NBAS: variants seen among roughly 807,000 people sequenced by gnomAD.
NBAS encodes NAG/BC035112 fusion.
A neutral mutation model predicts 302.5 loss-of-function variants in NBAS; 219 were observed. That is an observed-to-expected ratio of 0.72 (90% CI 0.65 to 0.81). The LOEUF is 0.81. Ranked by LOEUF, NBAS falls within the 30% of genes least tolerant of loss-of-function variation. The pLI, the probability that NBAS is intolerant of heterozygous loss-of-function variation, is 0.00. For synonymous variants in NBAS, 1,118 were observed against 1,021.6 expected (o/e 1.09, Z -1.80); for missense variants, 2,932 against 2,841.6 (o/e 1.03, Z -0.72).
intron 32 of NBAS, 121 bp downstream of exon 32, chr2:15,366,459 C>G: frequency 1.1e-6 from 1 of 932,200 alleles, no homozygotes; most frequent in Non-Finnish European, 1.7e-6. Flanking sequence ...CAGAGCGAGA[C>G]CCTGTCTAAT....
chr2:14,959,694 C>T, the NBAS span, among the ~76,000 whole-genome samples: 6 of 152,188 alleles, frequency 3.9e-5, no homozygotes, highest in Non-Finnish European at 8.8e-5. Flanking sequence ...GATTCCAGGA[C>T]TTTGTACATG....
chr2:15,439,978 T>C (rs1039865224), intron 21 of NBAS, among the ~76,000 whole-genome samples: 1 of 152,250 alleles, frequency 6.6e-6, no homozygotes, highest in Non-Finnish European at 1.5e-5. Flanking sequence ...TTGCCCAGAC[T>C]TGCTTAGGTA....
chr2:15,397,576 C>A, intron 26 of NBAS: 1 of 619,998 alleles, frequency 1.6e-6, no homozygotes, highest in Non-Finnish European at 3.0e-6. Context: ...AACGTAGCTT[C>A]ACATACAGCT....
chr2:15,234,493 C>CA, intron 46 of NBAS, 52 bp downstream of exon 46: 2 of 1,563,238 alleles, frequency 1.3e-6, no homozygotes, highest in Non-Finnish European at 1.8e-6. Flanking sequence ...TTAGCACCAT[C>CA]ACTGACAAAG....
intron 9 of NBAS, among the ~76,000 whole-genome samples, chr2:15,524,869 AG>A (rs1224460625): frequency 6.6e-6 from 1 of 152,048 alleles, no homozygotes; most frequent in Non-Finnish European, 1.5e-5. Flanking sequence ...GGCCTGGCAC[AG>A]AATGTCAACA....
chr2:14,858,157 T>C, the NBAS span, among the ~76,000 whole-genome samples: 1 of 151,964 alleles, frequency 6.6e-6, no homozygotes, highest in Non-Finnish European at 1.5e-5. Context: ...TATCCAAAAG[T>C]CAGGCAATAA....
At chr2:15,498,457 A>G (rs1337641470) in intron 11 of NBAS, among the ~76,000 whole-genome samples, 2 of 152,186 alleles carry the variant, frequency 1.3e-5, no homozygotes, top group African/African-American at 4.8e-5. Context: ...GGTTGTGGAG[A>G]AAAAGGAACG....
rs143012720 is a variant in NBAS at position 15,415,656 on chromosome 2, C to A, written c.2827G>T (p.Glu943Ter). The A allele has an allele frequency of 8.3e-5, 134 of 1,614,012 alleles. No individual in the cohort carries two copies. The highest frequency in any genetic ancestry group is 1.1e-4 in the Non-Finnish European group (129 of 1,180,022). The change falls in exon 25 of 52, where the codon GAG (glutamate) becomes TAG (stop). Residue 943 changes from glutamate (E) to a stop codon, truncating the protein, a stop_gained. Transcript: ENST00000281513. LOFTEE classifies it high-confidence loss of function. ...TTAGCCACACCAGGCGACTGTTTCT[C>A]ACAACGATGAAGAAAGGGAACCATC... ...QWMVPFLHRC[E>*]KQSPGVANEL...
chr2:15,500,139 C>T (rs1661439860), intron 11 of NBAS, among the ~76,000 whole-genome samples: 1 of 152,178 alleles, frequency 6.6e-6, no homozygotes, highest in Non-Finnish European at 1.5e-5. Flanking sequence ...GACCTTTGTA[C>T]TGAAATCAAT....
In NBAS at chr2:15,191,676, C is replaced by T. The variant is rs148439457; in HGVS notation, c.6433-1273G>A. Reference sequence around the variant, plus strand: ...CTAGCAAGTGACAGAGCCAAAATATCACTATAATCAGATCAGGATGTTCTG... The same window carrying T: ...CTAGCAAGTGACAGAGCCAAAATATTACTATAATCAGATCAGGATGTTCTG... On this transcript the variant is annotated intron_variant, in intron 48 of 51. Transcript: ENST00000281513. Among the ~76,000 whole-genome samples the T allele has an allele frequency of 1.9e-3, 284 of 152,290 alleles. 1 individual carries two copies. Among genetic ancestry groups the T allele is most frequent in the African/African-American group, 6.7e-3 (278 of 41,570 alleles).
Position 15,353,621 on chromosome 2 carries a change from C to CA in NBAS, c.4020dup (p.Ala1341CysfsTer8). 6.2e-7 allele frequency: 1 copy of CA among 1,614,068 alleles called. No homozygotes were observed. The highest frequency in any genetic ancestry group is 8.5e-7 in the Non-Finnish European group (1 of 1,179,972). On this transcript the variant is annotated frameshift_variant, in exon 34 of 52. Transcript: ENST00000281513. LOFTEE classifies it high-confidence loss of function. ...CTGCTAGGAGGGCAATGTGTCAAAG[C>CA]AAAAGCCATGAGCTCTTGACGAGTG...
At chr2:15,119,355 C>CCAGAG in the NBAS span, among the ~76,000 whole-genome samples, 1 of 145,748 alleles carries the variant, frequency 6.9e-6, no homozygotes, top group Non-Finnish European at 1.5e-5. Flanking sequence ...GTCGCCCAGG[C>CCAGAG]CAGAGTGCAG....
the NBAS span, among the ~76,000 whole-genome samples, chr2:15,144,067 A>ATATATATATATTAT: frequency 8.6e-6 from 1 of 115,828 alleles, no homozygotes; most frequent in African/African-American, 3.4e-5. Context: ...ATATATATAT[A>ATATATATATATTAT]TCTCCCATTA....
intron 9 of NBAS, among the ~76,000 whole-genome samples, chr2:15,523,618 A>C (rs1359658916): frequency 6.6e-6 from 1 of 152,164 alleles, no homozygotes; most frequent in Non-Finnish European, 1.5e-5. Context: ...GCAAAAATAA[A>C]TTGTATTTCT....
At chr2:15,139,586 C>G in the NBAS span, among the ~76,000 whole-genome samples, 2 of 151,822 alleles carry the variant, frequency 1.3e-5, no homozygotes, top group African/African-American at 4.8e-5. Flanking sequence ...ACAAAAATAA[C>G]AAGAATAATA....
the NBAS span, among the ~76,000 whole-genome samples, chr2:14,843,766 A>G: frequency 6.6e-6 from 1 of 152,094 alleles, no homozygotes; most frequent in Non-Finnish European, 1.5e-5. Context: ...AGAGAGGGAG[A>G]GCACAGGAAT....
the NBAS span, among the ~76,000 whole-genome samples, chr2:15,146,800 C>T: frequency 6.6e-6 from 1 of 152,118 alleles, no homozygotes; most frequent in Non-Finnish European, 1.5e-5. Flanking sequence ...ATCACTGGGG[C>T]TGTCAATAGA....
intron 9 of NBAS, among the ~76,000 whole-genome samples, chr2:15,528,533 A>T (rs1663044920): frequency 6.7e-6 from 1 of 148,758 alleles, no homozygotes; most frequent in South Asian, 2.1e-4. Context: ...CACATAGAAC[A>T]TGCAGTGAAA....
At chr2:14,847,332 A>G in the NBAS span, among the ~76,000 whole-genome samples, 103 of 147,828 alleles carry the variant, frequency 7.0e-4, no homozygotes, top group African/African-American at 2.4e-3. Flanking sequence ...GCAGTGAGCC[A>G]AGACCACACC....
Sources: allele counts gnomAD v4.1 joint callset (sites outside exome capture counted in the v4.1 genomes callset), GRCh38; gene constraint gnomAD v4.1.1; transcripts MANE v1.5; gene names NCBI Gene and HGNC (gene_info 2026-07-23, HGNC 2026-07-21).